Variants in PDLIM5 observed in about 807,000 individuals in gnomAD.
PDLIM5 encodes PDZ and LIM domain 5.
A neutral mutation model predicts 64.2 loss-of-function variants in PDLIM5; 34 were observed. The ratio of observed to expected loss-of-function variants is 0.53; its 90% CI spans 0.40 to 0.71. The LOEUF is 0.71. Ranked by LOEUF, PDLIM5 falls within the 30% of genes least tolerant of loss-of-function variation. PDLIM5 has a pLI of 0.00. For synonymous variants in PDLIM5, 253 were observed against 269.1 expected, an observed-to-expected ratio of 0.94 and a Z score of 0.59; for missense variants, 683 against 733.6, an observed-to-expected ratio of 0.93 and a Z score of 0.80.
chr4:94,489,171 A>G (rs1317414971), intron 2 of PDLIM5: 3 of 152,102 alleles, frequency 2.0e-5, no homozygotes, highest in African/African-American at 2.4e-5. Flanking sequence ...TATATTGTCT[A>G]TTTTTAATCA....
chr4:94,600,853 C>T (rs1281651669), intron 7 of PDLIM5, among the ~76,000 whole-genome samples: 1 of 152,136 alleles, frequency 6.6e-6, no homozygotes, highest in Non-Finnish European at 1.5e-5. Context: ...ATAAAAAATG[C>T]TCATTCTTTA....
intron 7 of PDLIM5, among the ~76,000 whole-genome samples, chr4:94,591,579 T>A (rs1463647059): frequency 6.6e-6 from 1 of 152,202 alleles, no homozygotes; most frequent in Non-Finnish European, 1.5e-5. Context: ...TTGGTGGTGC[T>A]GCCCACATGC....
intron 7 of PDLIM5, among the ~76,000 whole-genome samples, chr4:94,607,809 T>G (rs898417559): frequency 1.3e-5 from 2 of 152,158 alleles, no homozygotes; most frequent in Non-Finnish European, 2.9e-5. Flanking sequence ...CCTTTTCCCC[T>G]GTAAGCGTAA....
intron 2 of PDLIM5, chr4:94,456,242 A>G (rs1482275982): frequency 1.7e-5 from 8 of 457,516 alleles, no homozygotes; most frequent in South Asian, 1.6e-4. Flanking sequence ...CTTGTTGCCC[A>G]GGCTGGAGTG....
In PDLIM5 at chr4:94,493,947, C is replaced by G. The variant is rs1727100019; in HGVS notation, c.97-29777C>G. Among the ~76,000 whole-genome samples the G allele has an allele frequency of 2.0e-5, 3 of 152,150 alleles. No individual in the cohort carries two copies. The South Asian group carries it at 6.2e-4, about 32-fold the overall frequency. On this transcript the variant is annotated intron_variant, in intron 2 of 12. Transcript: ENST00000317968. Reference sequence around the variant, plus strand: ...TTCTCTCCCTCTAATACATGTTCCTCCTGTATTGCTAAGCCTTTTTTATTT... The same window carrying G: ...TTCTCTCCCTCTAATACATGTTCCTGCTGTATTGCTAAGCCTTTTTTATTT...
At chr4:94,653,316 C>G (rs1055997959) in intron 9 of PDLIM5, among the ~76,000 whole-genome samples, 1 of 152,126 alleles carries the variant, frequency 6.6e-6, no homozygotes, top group Non-Finnish European at 1.5e-5. Context: ...CTGTCCTGGT[C>G]TGTCTCACAG....
intron 3 of PDLIM5, among the ~76,000 whole-genome samples, chr4:94,529,185 G>A (rs1730636370): frequency 6.6e-6 from 1 of 152,146 alleles, no homozygotes; most frequent in Non-Finnish European, 1.5e-5. Flanking sequence ...CTAGAGCAGC[G>A]TTTTGGAGAG....
rs1370807961 is a variant in PDLIM5, at chr4:94,665,216, G to T, written c.*1149G>T. ...AATAAATAGAGGGCCAGGTGTGGTG[G>T]CTCACGCCTGTGATCCCAGCACTTT... On this transcript the variant is annotated 3_prime_UTR_variant, in exon 13 of 13. Transcript: ENST00000317968. The T allele has an allele frequency of 6.2e-6, 5 of 808,288 alleles. No individual in the cohort carries two copies. In the African/African-American group the frequency reaches 9.3e-5, roughly 15 times the overall value. The allele number at this position is 808,288 out of a possible 1,614,324, so 50.1% of individuals were successfully genotyped here.
chr4:94,586,266 C>T, intron 6 of PDLIM5, 142 bp from the exon 7 acceptor site: 1 of 570,700 alleles, frequency 1.8e-6, no homozygotes, highest in Non-Finnish European at 3.2e-6. Context: ...TAGTTTATGG[C>T]CAATAACAGG....
At chr4:94,526,825 C>A (rs1366884109) in intron 3 of PDLIM5, among the ~76,000 whole-genome samples, 2 of 151,648 alleles carry the variant, frequency 1.3e-5, no homozygotes, top group African/African-American at 4.8e-5. Flanking sequence ...CTCCACCTCC[C>A]AGGTTCAAGG....
intron 10 of PDLIM5, among the ~76,000 whole-genome samples, chr4:94,656,247 A>T (rs1041035486): frequency 5.9e-5 from 9 of 152,156 alleles, no homozygotes; most frequent in African/African-American, 2.2e-4. Context: ...TATGTATATG[A>T]TTTTTTGTGA....
intron 2 of PDLIM5, among the ~76,000 whole-genome samples, chr4:94,504,589 AC>A (rs778054432): frequency 3.9e-5 from 6 of 151,976 alleles, no homozygotes; most frequent in Non-Finnish European, 8.8e-5. Context: ...CTGGCCCGTT[AC>A]GCTATTTTCA....
At chr4:94,507,901 C>T (rs936005325) in intron 2 of PDLIM5, among the ~76,000 whole-genome samples, 2 of 152,196 alleles carry the variant, frequency 1.3e-5, no homozygotes, top group African/African-American at 4.8e-5. Flanking sequence ...TCTTGCTTCT[C>T]TGCTCCTTCA....
chr4:94,489,655 G>C, intron 2 of PDLIM5, among the ~76,000 whole-genome samples: 1 of 152,066 alleles, frequency 6.6e-6, no homozygotes, highest in Non-Finnish European at 1.5e-5. Context: ...GCCTGGCACA[G>C]TGGCTCACAC....
chr4:94,575,533 A>G (rs1202365972), intron 4 of PDLIM5, 83 bp from the exon 5 acceptor site: 9 of 976,042 alleles, frequency 9.2e-6, no homozygotes, highest in Non-Finnish European at 1.4e-5. Flanking sequence ...CTTTTAAAAA[A>G]TCAGCTCTGT....
intron 11 of PDLIM5, among the ~76,000 whole-genome samples, chr4:94,661,304 G>A (rs1742693625): frequency 6.6e-6 from 1 of 151,906 alleles, no homozygotes; most frequent in African/African-American, 2.4e-5. Context: ...AGAGGCAGGA[G>A]GAGGCTTGAG....
intron 5 of PDLIM5, chr4:94,582,666 G>A (rs1462506200): frequency 3.1e-6 from 4 of 1,302,494 alleles, no homozygotes; most frequent in Non-Finnish European, 4.4e-6. Context: ...GAACATCAAT[G>A]TCTTCTCTAC....
At chr4:94,592,567 A>G (rs924272549) in intron 7 of PDLIM5, among the ~76,000 whole-genome samples, 8 of 152,208 alleles carry the variant, frequency 5.3e-5, no homozygotes, top group African/African-American at 7.2e-5. Flanking sequence ...CAATATGCCA[A>G]TTGTGTGCTA....
Position 94,573,379 on chromosome 4 carries a change from G to T in PDLIM5, c.277G>T (p.Val93Phe). 1.2e-6 allele frequency: 2 copies of T among 1,612,310 alleles called. No homozygotes were observed. Among genetic ancestry groups the T allele is most frequent in the Non-Finnish European group, 8.5e-7 (1 of 1,178,894 alleles). ...RASAAPKPEP[V>F]PVQKGEPKEV... ...ATCTGCTGCACCCAAGCCTGAGCCG[G>T]TTCCTGTTCAAAAGGTGTGTTTTTA... The change falls in exon 4 of 13, where the codon GTT (valine) becomes TTT (phenylalanine). Residue 93 changes from valine to phenylalanine, a missense_variant. Physicochemically the swap from Val to Phe is conservative, Grantham distance 50. Transcript: ENST00000317968.
Sources: gnomAD v4.1 joint callset for allele counts (sites outside exome capture counted in the v4.1 genomes callset) on GRCh38, gnomAD v4.1.1 for gene constraint, MANE v1.5 for transcripts, NCBI Gene and HGNC (gene_info 2026-07-23, HGNC 2026-07-21) for gene names.